ZC3H12B: variants seen among roughly 807,000 people sequenced by gnomAD.
ZC3H12B encodes probable ribonuclease ZC3H12B.
In ZC3H12B, 7 loss-of-function variants were observed where a neutral mutation model predicts 43.9. The ratio of observed to expected loss-of-function variants is 0.16; its 90% CI spans 0.09 to 0.30. The LOEUF (loss-of-function observed/expected upper bound fraction) is 0.30. Ranked by LOEUF, ZC3H12B falls within the 10% of genes least tolerant of loss-of-function variation. The probability of loss-of-function intolerance (pLI) is 1.00; values close to 1 mark genes in which losing one functional copy is unlikely to be tolerated. For missense variants in ZC3H12B, 475 were observed against 670.2 expected (o/e 0.71, Z 3.22); for synonymous variants, 222 against 241.7 (o/e 0.92, Z 0.76).
the ZC3H12B span, among the ~76,000 whole-genome samples, chrX:65,197,875 ACT>A: frequency 8.9e-6 from 1 of 111,870 alleles, no homozygotes; most frequent in Admixed American, 9.5e-5. Context: ...ATGGCTAGTG[ACT>A]CTGCATATTC....
At chrX:65,366,417 T>G (rs944628253), upstream of ZC3H12B, among the ~76,000 whole-genome samples, 4 of 112,389 alleles carry the variant, frequency 3.6e-5, no homozygotes, top group Non-Finnish European at 5.6e-5. Context: ...TATATGTATT[T>G]GTTCTTTGTC....
At chrX:65,260,005 T>C in the ZC3H12B span, among the ~76,000 whole-genome samples, 1 of 111,522 alleles carries the variant, frequency 9.0e-6, no homozygotes, top group African/African-American at 3.3e-5. Flanking sequence ...CTCACTCATA[T>C]GTAGGCGTTG....
chrX:65,211,542 C>G, the ZC3H12B span, among the ~76,000 whole-genome samples: 1 of 103,927 alleles, frequency 9.6e-6, no homozygotes, highest in Admixed American at 1.1e-4. Flanking sequence ...AGAAACTAAA[C>G]TCCAGCAAGG....
At chrX:65,374,168 A>G (rs1386847040) in intron 2 of ZC3H12B, among the ~76,000 whole-genome samples, 1 of 80,649 alleles carries the variant, frequency 1.2e-5, no homozygotes, top group African/African-American at 4.9e-5. Flanking sequence ...ATATATAGTT[A>G]TATATACACT....
At chrX:65,198,944 A>T in the ZC3H12B span, among the ~76,000 whole-genome samples, 2 of 111,129 alleles carry the variant, frequency 1.8e-5, no homozygotes, top group Non-Finnish European at 3.8e-5. Flanking sequence ...CTTATGCCTC[A>T]GCCTCCTGAG....
chrX:65,365,163 A>G (rs757240508), upstream of ZC3H12B, among the ~76,000 whole-genome samples: 10 of 111,138 alleles, frequency 9.0e-5, no homozygotes, highest in Non-Finnish European at 1.5e-4. Context: ...GGAAAGGTAG[A>G]ACTGACTAAT....
At chrX:65,358,443 C>A in the ZC3H12B span, among the ~76,000 whole-genome samples, 1 of 111,577 alleles carries the variant, frequency 9.0e-6, no homozygotes, top group East Asian at 2.8e-4. Flanking sequence ...GTAAAACGCT[C>A]CTCAGCAAAT....
the ZC3H12B span, among the ~76,000 whole-genome samples, chrX:65,335,452 A>G: frequency 2.7e-5 from 3 of 112,177 alleles, no homozygotes; most frequent in Non-Finnish European, 1.9e-5. Flanking sequence ...ATAAGCCTTT[A>G]CTAAGGTTAT....
chrX:65,316,013 A>G, the ZC3H12B span, among the ~76,000 whole-genome samples: 2 of 111,944 alleles, frequency 1.8e-5, no homozygotes, highest in Non-Finnish European at 3.8e-5. Context: ...TGGCTTCAAG[A>G]ATTTAATAAT....
chrX:65,269,739 G>A, the ZC3H12B span, among the ~76,000 whole-genome samples: 4 of 109,706 alleles, frequency 3.6e-5, no homozygotes, highest in African/African-American at 1.3e-4. Flanking sequence ...GCCTCAAGCA[G>A]TTCTCCTGTC....
At chrX:65,259,718 C>T in the ZC3H12B span, among the ~76,000 whole-genome samples, 1 of 111,855 alleles carries the variant, frequency 8.9e-6, no homozygotes, top group South Asian at 3.7e-4. Context: ...ATCCCACTAG[C>T]AGGTATCTAC....
the ZC3H12B span, among the ~76,000 whole-genome samples, chrX:65,222,025 G>C: frequency 2.7e-5 from 3 of 111,255 alleles, no homozygotes; most frequent in Non-Finnish European, 5.7e-5. Flanking sequence ...TTTATATCAG[G>C]GACACAGGAG....
the ZC3H12B span, among the ~76,000 whole-genome samples, chrX:65,324,999 T>A: frequency 9.0e-6 from 1 of 111,383 alleles, no homozygotes; most frequent in Admixed American, 9.6e-5. Flanking sequence ...CAATTTTGTA[T>A]ATATTCTTTT....
At chrX:65,132,897 G>A in the ZC3H12B span, among the ~76,000 whole-genome samples, 6 of 111,668 alleles carry the variant, frequency 5.4e-5, no homozygotes, top group African/African-American at 2.0e-4. Context: ...GGCAGCGTCA[G>A]TCTTCAGCCG....
At chrX:65,118,851 C>T in the ZC3H12B span, among the ~76,000 whole-genome samples, 1 of 95,742 alleles carries the variant, frequency 1.0e-5, no homozygotes, top group Non-Finnish European at 2.1e-5. Context: ...TTCCTGTGTC[C>T]ATGTGTTCTC....
chrX:65,463,959 G>T (rs1241621904), intron 3 of ZC3H12B, among the ~76,000 whole-genome samples: 6 of 111,802 alleles, frequency 5.4e-5, no homozygotes, highest in Non-Finnish European at 1.1e-4. Flanking sequence ...TGCCACAGCT[G>T]CTGGGCCCTC....
chrX:65,058,722 A>G, the ZC3H12B span, among the ~76,000 whole-genome samples: 2 of 111,675 alleles, frequency 1.8e-5, no homozygotes, highest in East Asian at 5.7e-4. Flanking sequence ...GGTGGGCTCC[A>G]CCCAGTTCAA....
chrX:65,190,183 C>A, the ZC3H12B span, among the ~76,000 whole-genome samples: 1 of 110,492 alleles, frequency 9.1e-6, no homozygotes, highest in Non-Finnish European at 1.9e-5. Context: ...CAGTACCATG[C>A]TGTTTTGGTT....
chrX:65,190,228 G>A, the ZC3H12B span, among the ~76,000 whole-genome samples: 3 of 110,235 alleles, frequency 2.7e-5, no homozygotes, highest in Non-Finnish European at 3.8e-5. Context: ...AAGTCAGGTA[G>A]TGTGATGCCT....
Sources: allele counts gnomAD v4.1 joint callset (sites outside exome capture counted in the v4.1 genomes callset), GRCh38; gene constraint gnomAD v4.1.1; transcripts MANE v1.5; gene names NCBI Gene and HGNC (gene_info 2026-07-23, HGNC 2026-07-21).